SLN: variants seen among roughly 807,000 people sequenced by gnomAD.
SLN encodes the protein sarcolipin.
For missense variants in SLN, 34 were observed against 37.4 expected, an observed-to-expected ratio of 0.91 and a Z score of 0.24; for synonymous variants, 19 against 14.4, an observed-to-expected ratio of 1.32 and a Z score of -0.72.
chr11:107,708,386 A>G (rs114907193), intron 1 of SLN, among the ~76,000 whole-genome samples: 276 of 152,180 alleles, frequency 1.8e-3, no homozygotes, highest in African/African-American at 6.4e-3. Flanking sequence ...AACTGTGCCA[A>G]CACCTTGATC....
chr11:107,709,637 A>G (rs1390847484), intron 1 of SLN, among the ~76,000 whole-genome samples: 2 of 152,216 alleles, frequency 1.3e-5, no homozygotes, highest in Non-Finnish European at 2.9e-5. Flanking sequence ...CCTTGAGCCT[A>G]GGAGTTTAAG....
intron 1 of SLN, among the ~76,000 whole-genome samples, chr11:107,711,048 C>A (rs910243267): frequency 1.3e-5 from 2 of 152,110 alleles, no homozygotes; most frequent in Non-Finnish European, 1.5e-5. Context: ...TTTAGGCATG[C>A]AGACATAGAT....
chr11:107,709,191 C>T (rs1051923413), intron 1 of SLN, among the ~76,000 whole-genome samples: 2 of 152,198 alleles, frequency 1.3e-5, no homozygotes, highest in Admixed American at 1.3e-4. Context: ...GCAATGAAGT[C>T]ATCAAACTAT....
At chr11:107,709,545 T>C (rs1867189694) in intron 1 of SLN, among the ~76,000 whole-genome samples, 2 of 152,206 alleles carry the variant, frequency 1.3e-5, no homozygotes, top group East Asian at 1.9e-4. Context: ...TATTGTGTAA[T>C]TGGCATAACA....
At chr11:107,710,549 A>G (rs1487232175) in intron 1 of SLN, among the ~76,000 whole-genome samples, 1 of 152,358 alleles carries the variant, frequency 6.6e-6, no homozygotes, top group African/African-American at 2.4e-5. Context: ...AGGCAAAGCT[A>G]GAATTAGCAG....
In SLN at chr11:107,707,389, G is replaced by A. The variant is rs1396373057; in HGVS notation, c.*446C>T. On this transcript the variant is annotated 3_prime_UTR_variant, in exon 2 of 2. Coordinates refer to ENST00000305991, the MANE Select transcript of SLN (RefSeq NM_003063.3). ...AGTTCTAGAAGTTGTTTTTGAAGTTGACTTAACTTTATTCACATGATAGCT... is the reference window on the plus strand; with the variant it reads ...AGTTCTAGAAGTTGTTTTTGAAGTTAACTTAACTTTATTCACATGATAGCT... 1 of 153,936 alleles carries A rather than the reference G, an allele frequency of 6.5e-6. No homozygotes were observed. The highest frequency in any genetic ancestry group is 2.4e-5 in the African/African-American group (1 of 41,470). 9.5% of individuals were successfully genotyped at this position (153,936 alleles called of 1,614,324 possible). A position where few individuals can be genotyped will look rare whatever the true frequency, so the allele number is the denominator to read the frequency against.
Position 107,707,904 on chromosome 11 carries a change from A to T in SLN, c.27T>A (p.Phe9Leu). 1 of 1,614,024 alleles carries T rather than the reference A, an allele frequency of 6.2e-7. No homozygotes were observed. The highest frequency in any genetic ancestry group is 8.5e-7 in the Non-Finnish European group (1 of 1,179,958). ...TAATCAAGACAATAGTGAAGTTGAG[A>T]AACAGCTCCCGGGTGTTTATCCCCA... is the stretch of plus-strand genomic sequence containing the variant. Reference protein sequence around the residue: MGINTRELFLNFTIVLITV... With the variant: MGINTRELLLNFTIVLITV... The change falls in exon 2 of 2, where the codon TTT becomes TTA. Residue 9 changes from phenylalanine to leucine, a missense_variant. Coordinates refer to ENST00000305991, the MANE Select transcript of SLN (RefSeq NM_003063.3).
chr11:107,708,498 C>T (rs550400321), intron 1 of SLN, among the ~76,000 whole-genome samples: 4 of 152,200 alleles, frequency 2.6e-5, no homozygotes, highest in East Asian at 1.9e-4. Flanking sequence ...TCTCTGCAAT[C>T]GCACAAGCCA....
At position 107,707,646 on chromosome 11, in the gene SLN, G is replaced by A. The variant is rs2135741712; in HGVS notation, c.*189C>T. On this transcript the variant is annotated 3_prime_UTR_variant, in exon 2 of 2. Coordinates refer to ENST00000305991, the MANE Select transcript of SLN (RefSeq NM_003063.3). The stretch of plus-strand genomic sequence containing the variant: ...CCCTGGCAAACACTTGGCAGCCCTT[G>A]GGAGCAGCATCTTTGGAGAACACAT... 1.9e-6 allele frequency: 1 copy of A among 517,364 alleles called. No homozygotes were observed. 32.0% of individuals were successfully genotyped at this position (517,364 alleles called of 1,614,324 possible).
Position 107,707,693 on chromosome 11 carries a change from ATAGCAGATATTGTGAGTGCAGGTCACAGG to A in SLN, c.*113_*141del. 1 of 648,480 alleles carries A rather than the reference ATAGCAGATATTGTGAGTGCAGGTCACAGG, an allele frequency of 1.5e-6. No individual in the cohort carries two copies. Among genetic ancestry groups the A allele is most frequent in the South Asian group, 1.8e-5 (1 of 54,894 alleles). 40.2% of individuals were successfully genotyped at this position (648,480 alleles called of 1,614,324 possible). A position where few individuals can be genotyped will look rare whatever the true frequency, so the allele number is the denominator to read the frequency against. ...ACATAATCAATCCTAGCACTACAGC[ATAGCAGATATTGTGAGTGCAGGTCACAGG>A]TGCCCTCGGATGGAGAATGGCATCC... On this transcript the variant is annotated 3_prime_UTR_variant, in exon 2 of 2. Coordinates refer to ENST00000305991, the MANE Select transcript of SLN (RefSeq NM_003063.3).
chr11:107,707,728 T>A lies in SLN; in HGVS notation c.*107A>T, dbSNP rs1185382860. Reference sequence around the variant, plus strand: ...TTGTGAGTGCAGGTCACAGGTGCCCTCGGATGGAGAATGGCATCCTGTGAC... The same window carrying A: ...TTGTGAGTGCAGGTCACAGGTGCCCACGGATGGAGAATGGCATCCTGTGAC... On this transcript the variant is annotated 3_prime_UTR_variant, in exon 2 of 2. Transcript: ENST00000305991. 2 of 793,036 alleles carry A rather than the reference T, an allele frequency of 2.5e-6. No individual in the cohort carries two copies. Among genetic ancestry groups the A allele is most frequent in the East Asian group, 2.4e-5 (1 of 40,992 alleles). 49.1% of individuals were successfully genotyped at this position (793,036 alleles called of 1,614,324 possible). A position where few individuals can be genotyped will look rare whatever the true frequency, so the allele number is the denominator to read the frequency against.
intron 1 of SLN, among the ~76,000 whole-genome samples, chr11:107,711,741 GA>G (rs565979356): frequency 7.5e-4 from 113 of 149,976 alleles, no homozygotes; most frequent in African/African-American, 2.6e-3. Context: ...ATACAAGAAA[GA>G]AAAAAAATTT....
At chr11:107,708,086 AC>A in intron 1 of SLN, 81 bp from the exon 2 acceptor site, 1 of 635,580 alleles carries the variant, frequency 1.6e-6, no homozygotes, top group South Asian at 1.9e-5. Context: ...CTCAAAGGAA[AC>A]AGAAGTGTTG....
chr11:107,708,062 A>G (rs1867174667), intron 1 of SLN, 57 bp from the exon 2 acceptor site: 1 of 677,752 alleles, frequency 1.5e-6, no homozygotes, highest in Admixed American at 2.3e-5. Flanking sequence ...CTGTATAACA[A>G]TGCTCGTTCT....
chr11:107,710,983 CAG>C (rs1470437098), intron 1 of SLN, among the ~76,000 whole-genome samples: 2 of 152,076 alleles, frequency 1.3e-5, no homozygotes, highest in African/African-American at 2.4e-5. Flanking sequence ...ACAAAAGAAA[CAG>C]AGAATATGAC....
chr11:107,711,703 G>C (rs2135743901), intron 1 of SLN, among the ~76,000 whole-genome samples: 1 of 151,430 alleles, frequency 6.6e-6, no homozygotes, highest in Non-Finnish European at 1.5e-5. Context: ...GAGACTTAGA[G>C]AAGATAGAAA....
intron 1 of SLN, among the ~76,000 whole-genome samples, chr11:107,710,805 T>G (rs1002621541): frequency 6.6e-6 from 1 of 152,186 alleles, no homozygotes; most frequent in Non-Finnish European, 1.5e-5. Context: ...ATTATCACAA[T>G]AACTCCAAAC....
chr11:107,708,013 A>G lies in SLN; in HGVS notation c.-75-8T>C. The G allele has an allele frequency of 1.1e-6, 1 of 882,252 alleles. No individual in the cohort carries two copies. Among genetic ancestry groups the G allele is most frequent in the Non-Finnish European group, 1.9e-6 (1 of 516,760 alleles). 54.7% of individuals were successfully genotyped at this position (882,252 alleles called of 1,614,324 possible). A position where few individuals can be genotyped will look rare whatever the true frequency, so the allele number is the denominator to read the frequency against. ...CTGGCTTCTCCTCACCTCCTGATAA[A>G]ACATAACAAAGAAAACACAAGGAGA... On this transcript the variant is annotated splice_region_variant and splice_polypyrimidine_tract_variant and intron_variant, in intron 1 of 1. Coordinates refer to ENST00000305991, the MANE Select transcript of SLN (RefSeq NM_003063.3).
chr11:107,709,707 T>C (rs778118360), intron 1 of SLN, among the ~76,000 whole-genome samples: 16 of 152,128 alleles, frequency 1.1e-4, no homozygotes, highest in Non-Finnish European at 1.9e-4. Context: ...TCAAATCAGA[T>C]GGTGCCAACC....
Sources: allele counts gnomAD v4.1 joint callset (sites outside exome capture counted in the v4.1 genomes callset), GRCh38; gene constraint gnomAD v4.1.1; transcripts MANE v1.5; gene names NCBI Gene and HGNC (gene_info 2026-07-23, HGNC 2026-07-21).